Variants in STARD3 observed in about 807,000 individuals in gnomAD.
STARD3 encodes the protein StAR related lipid transfer domain containing 3.
STARD3 carries 39 observed loss-of-function variants against 62.0 expected under a neutral mutation model. The observed-to-expected ratio is 0.63, with a 90% CI of 0.49 to 0.82. The LOEUF (loss-of-function observed/expected upper bound fraction) is 0.82, where lower values mean the gene tolerates loss of function less well. Ranked by LOEUF, STARD3 falls within the 40% of genes least tolerant of loss-of-function variation. The probability of loss-of-function intolerance (pLI) is 0.00; values close to 1 mark genes in which losing one functional copy is unlikely to be tolerated. For synonymous variants in STARD3, 229 were observed against 242.4 expected (o/e 0.94, Z 0.51); for missense variants, 543 against 584.5 (o/e 0.93, Z 0.73).
chr17:39,662,632 G>A, intron 14 of STARD3, 172 bp from the exon 15 acceptor site: 2 of 672,846 alleles, frequency 3.0e-6, no homozygotes, highest in South Asian at 1.9e-5. Flanking sequence ...GGTGCCAAGA[G>A]CCAGGCCCAG....
Position 39,646,944 on chromosome 17 carries a change from A to G in STARD3, c.-51-6537A>G, listed in dbSNP as rs145320385. Among the ~76,000 whole-genome samples, 897 of 152,038 alleles carry G rather than the reference A, an allele frequency of 5.9e-3. 10 individuals carry two copies. The highest frequency in any genetic ancestry group is 0.02 in the African/African-American group (813 of 41,466). Reference sequence around the variant, plus strand: ...TTGCCCGGCGTGGTGGCTCACGCCTATAATCCCAGCACTTTGGGAGGCCGA... The same window carrying G: ...TTGCCCGGCGTGGTGGCTCACGCCTGTAATCCCAGCACTTTGGGAGGCCGA... On this transcript the variant is annotated intron_variant, in intron 1 of 14. Transcript: ENST00000336308.
In STARD3 at chr17:39,659,560, A is replaced by C. The variant is rs1234373827; in HGVS notation, c.795+7A>C. The C allele has an allele frequency of 1.2e-6, 2 of 1,613,988 alleles. No homozygotes were observed. The highest frequency in any genetic ancestry group is 2.2e-5 in the South Asian group (2 of 91,084). ...GAAGTTTGAGAAGAATAATGTAAGAAGCCCTCTCCCACCTGACCTTCCCAT... is the reference window on the plus strand; with the variant it reads ...GAAGTTTGAGAAGAATAATGTAAGACGCCCTCTCCCACCTGACCTTCCCAT... On this transcript the variant is annotated splice_region_variant and intron_variant, in intron 9 of 14. Coordinates refer to ENST00000336308, the MANE Select transcript of STARD3 (RefSeq NM_006804.4).
At chr17:39,653,135 G>A (rs977088765) in intron 1 of STARD3, 3 of 242,430 alleles carry the variant, frequency 1.2e-5, no homozygotes, top group African/African-American at 6.7e-5. Flanking sequence ...CAGGACCAGA[G>A]GCTGGAGCTC....
intron 1 of STARD3, 55 bp downstream of exon 1, chr17:39,637,286 C>T (rs1240570760): frequency 6.6e-6 from 1 of 152,258 alleles, no homozygotes; most frequent in Non-Finnish European, 1.5e-5. Context: ...CGTCTTCCGC[C>T]GGTCGAACCC....
intron 14 of STARD3, 102 bp from the exon 15 acceptor site, chr17:39,662,702 C>T: frequency 1.8e-6 from 2 of 1,127,652 alleles, no homozygotes; most frequent in Non-Finnish European, 1.3e-6. Flanking sequence ...TCCAGAGCTG[C>T]ACCTGCATTC....
chr17:39,660,691 C>A lies in STARD3; in HGVS notation c.955-119C>A. 1 of 1,374,284 alleles carries A rather than the reference C, an allele frequency of 7.3e-7. No homozygotes were observed. The highest frequency in any genetic ancestry group is 1.0e-6 in the Non-Finnish European group (1 of 987,690). The allele number at this position is 1,374,284 out of a possible 1,614,324, so 85.1% of individuals were successfully genotyped here. A position where few individuals can be genotyped will look rare whatever the true frequency, so the allele number is the denominator to read the frequency against. ...GGAGGAGGGCAGGAGGAGTGCTCAT[C>A]AGGCGCTGCCCAGGGCCTGCCTGTG... On this transcript the variant is annotated intron_variant, in intron 11 of 14. Transcript: ENST00000336308. This position sits in a 1 kb window ranked among gnomAD's most constrained non-coding sequence, Gnocchi z 4.8.
At chr17:39,638,148 G>C (rs1193755861) in intron 1 of STARD3, among the ~76,000 whole-genome samples, 1 of 152,144 alleles carries the variant, frequency 6.6e-6, no homozygotes, top group Admixed American at 6.5e-5. Flanking sequence ...AAGTGACCTA[G>C]TACTGCCAAC....
chr17:39,662,063 G>T (rs1232132655), intron 13 of STARD3, among the ~76,000 whole-genome samples, 188 bp from the exon 14 acceptor site: 2 of 152,146 alleles, frequency 1.3e-5, no homozygotes, highest in South Asian at 2.1e-4. Flanking sequence ...GTGGGTGGGG[G>T]TGGAGGGCCG....
chr17:39,662,825 A>G lies in STARD3; in HGVS notation c.1255A>G (p.Ile419Val). 1 of 1,611,104 alleles carries G rather than the reference A, an allele frequency of 6.2e-7. No homozygotes were observed. The highest frequency in any genetic ancestry group is 8.5e-7 in the Non-Finnish European group (1 of 1,178,910). Residue 419 changes from isoleucine to valine, a missense_variant, in exon 15 of 15, where the codon ATC becomes GTC. Physicochemically the swap from Ile to Val is conservative, Grantham distance 29. Transcript: ENST00000336308. ...DLKGRLPRYL[I>V]HQSLAATMFE... Reference sequence around the variant, plus strand: ...CCAGGGCCGCCTGCCCCGGTACCTCATCCACCAGAGCCTCGCGGCCACCAT... The same window carrying G: ...CCAGGGCCGCCTGCCCCGGTACCTCGTCCACCAGAGCCTCGCGGCCACCAT...
chr17:39,660,874 G>C lies in STARD3; in HGVS notation c.1019G>C (p.Gly340Ala). 1 of 1,601,162 alleles carries C rather than the reference G, an allele frequency of 6.2e-7. No individual in the cohort carries two copies. Among genetic ancestry groups the C allele is most frequent in the Middle Eastern group, 1.7e-4 (1 of 6,014 alleles). Residue 340 changes from glycine (G) to alanine (A), a missense_variant, in exon 12 of 15, where the codon GGC becomes GCC. Transcript: ENST00000336308. The surrounding 1 kb of genome is among the most constrained non-coding windows in gnomAD (Gnocchi z 4.8). Reference sequence around the variant, plus strand: ...GACGTGTCTGCAGGGGCTGCGGGCGGCGTGGTCTCCCCAAGGTGAGTCCAT... The same window carrying C: ...GACGTGTCTGCAGGGGCTGCGGGCGCCGTGGTCTCCCCAAGGTGAGTCCAT... Reference protein sequence around the residue: ...SYDVSAGAAGGVVSPRDFVNV... With the variant: ...SYDVSAGAAGAVVSPRDFVNV...
chr17:39,660,631 GGT>G lies in STARD3; in HGVS notation c.954+109_954+110del. The stretch of plus-strand genomic sequence containing the variant: ...CCTCAGCTGCCCCATCTGTACAGTG[GGT>G]GTGATGGTAACAGTGCCTGCTCGGG... On this transcript the variant is annotated intron_variant, in intron 11 of 14. Coordinates refer to ENST00000336308, the MANE Select transcript of STARD3 (RefSeq NM_006804.4). This position sits in a 1 kb window ranked among gnomAD's most constrained non-coding sequence, Gnocchi z 4.8. 1 of 1,406,852 alleles carries G rather than the reference GGT, an allele frequency of 7.1e-7. No homozygotes were observed. The highest frequency in any genetic ancestry group is 1.0e-6 in the Non-Finnish European group (1 of 1,001,242). 87.1% of individuals were successfully genotyped at this position (1,406,852 alleles called of 1,614,324 possible).
intron 7 of STARD3, 73 bp downstream of exon 7, chr17:39,658,893 C>G: frequency 6.3e-7 from 1 of 1,575,010 alleles, no homozygotes; most frequent in Non-Finnish European, 8.7e-7. Context: ...TGGGTCTGTT[C>G]TTTCTATTCC....
In STARD3 at chr17:39,660,852, G is replaced by C; in HGVS notation, c.997G>C (p.Val333Leu). ...AGACAACACCCTCATCTCCTATGAC[G>C]TGTCTGCAGGGGCTGCGGGCGGCGT... ...VEDNTLISYD[V>L]SAGAAGGVVS... The change falls in exon 12 of 15, where the codon GTG becomes CTG. Residue 333 changes from valine to leucine, a missense_variant. Coordinates refer to ENST00000336308, the MANE Select transcript of STARD3 (RefSeq NM_006804.4). This position sits in a 1 kb window ranked among gnomAD's most constrained non-coding sequence, Gnocchi z 4.8. 1 of 1,599,830 alleles carries C rather than the reference G, an allele frequency of 6.3e-7. No individual in the cohort carries two copies. The highest frequency in any genetic ancestry group is 8.5e-7 in the Non-Finnish European group (1 of 1,171,314).
At chr17:39,653,319 G>A in intron 1 of STARD3, 162 bp from the exon 2 acceptor site, 2 of 606,112 alleles carry the variant, frequency 3.3e-6, no homozygotes, top group South Asian at 3.9e-5. Context: ...CCTGCAGCCT[G>A]GGAGCCAGGC....
At chr17:39,662,195 G>A (rs2057206769) in intron 13 of STARD3, 56 bp from the exon 14 acceptor site, 1 of 1,507,474 alleles carries the variant, frequency 6.6e-7, no homozygotes, top group Admixed American at 1.8e-5. Context: ...GGCTGCGGGG[G>A]GGTGTCAGGG....
intron 13 of STARD3, 117 bp from the exon 14 acceptor site, chr17:39,662,132 TTC>T (rs2057205852): frequency 1.9e-5 from 17 of 882,202 alleles, no homozygotes; most frequent in Admixed American, 6.7e-5. Context: ...AGCTCTGCCT[TTC>T]TGCTTCCAGC....
chr17:39,658,299 G>A, intron 5 of STARD3, 106 bp from the exon 6 acceptor site: 1 of 1,071,280 alleles, frequency 9.3e-7, no homozygotes, highest in Non-Finnish European at 1.4e-6. Context: ...GCTGCTACCA[G>A]GAATGGGGTG....
intron 1 of STARD3, among the ~76,000 whole-genome samples, chr17:39,651,230 G>A (rs1458732937): frequency 6.6e-6 from 1 of 152,178 alleles, no homozygotes; most frequent in Non-Finnish European, 1.5e-5. Context: ...TGTTTGTGGG[G>A]GCTTGCACAG....
At chr17:39,640,342 C>G (rs1040270001) in intron 1 of STARD3, among the ~76,000 whole-genome samples, 2 of 152,190 alleles carry the variant, frequency 1.3e-5, no homozygotes, top group African/African-American at 4.8e-5. Flanking sequence ...CTGCATGTCT[C>G]CCAGAAACTG....
Sources: allele counts gnomAD v4.1 joint callset (sites outside exome capture counted in the v4.1 genomes callset), GRCh38; gene constraint gnomAD v4.1.1; non-coding constraint Gnocchi (gnomAD v3.1); transcripts MANE v1.5; gene names NCBI Gene and HGNC (gene_info 2026-07-23, HGNC 2026-07-21).